Variants in MRTFB observed in about 807,000 individuals in gnomAD.
MRTFB encodes the protein myocardin related transcription factor B, also known as myocardin-related transcription factor B.
MRTFB carries 29 observed loss-of-function variants against 104.2 expected under a neutral mutation model. That is an observed-to-expected ratio of 0.28 (90% CI 0.21 to 0.38). The LOEUF (loss-of-function observed/expected upper bound fraction) is 0.38. MRTFB is among the 10% of genes least tolerant of loss of function. The pLI is 1.00. For missense variants in MRTFB, 1,270 were observed against 1,341.6 expected, an observed-to-expected ratio of 0.95 and a Z score of 0.83; for synonymous variants, 535 against 519.5, an observed-to-expected ratio of 1.03 and a Z score of -0.41.
chr16:14,056,502 T>G, the MRTFB span, among the ~76,000 whole-genome samples: 2 of 152,212 alleles, frequency 1.3e-5, no homozygotes, highest in African/African-American at 4.8e-5. Context: ...CCAATTATTT[T>G]TTGAGCAATT....
intron 2 of MRTFB, among the ~76,000 whole-genome samples, chr16:14,084,064 T>TA (rs2034564214): frequency 6.6e-6 from 1 of 152,236 alleles, no homozygotes; most frequent in Non-Finnish European, 1.5e-5. Context: ...TCTTGGACTT[T>TA]AAATGTGATG....
chr16:14,090,016 G>C (rs558621442), intron 2 of MRTFB, among the ~76,000 whole-genome samples: 5 of 152,018 alleles, frequency 3.3e-5, no homozygotes, highest in African/African-American at 1.2e-4. Context: ...TATATATTTT[G>C]TATACACACA....
the MRTFB span, among the ~76,000 whole-genome samples, chr16:14,000,729 A>C: frequency 1.3e-5 from 2 of 152,164 alleles, no homozygotes; most frequent in Non-Finnish European, 2.9e-5. Flanking sequence ...GTCTCCTGAC[A>C]ACCACACCTC....
the MRTFB span, among the ~76,000 whole-genome samples, chr16:14,034,058 C>T: frequency 6.6e-6 from 1 of 152,138 alleles, no homozygotes; most frequent in East Asian, 1.9e-4. Context: ...TCTCCCAGAG[C>T]TCCTAGGGCT....
At chr16:14,149,332 GA>G (rs2038495819) in intron 3 of MRTFB, 1 of 152,132 alleles carries the variant, frequency 6.6e-6, no homozygotes, top group Admixed American at 6.5e-5. Context: ...GACATAACAA[GA>G]AAAGCAAAAA....
In MRTFB at chr16:14,249,075, C is replaced by G; in HGVS notation, c.2397C>G (p.Val799=). 1 of 1,613,452 alleles carries G rather than the reference C, an allele frequency of 6.2e-7. No homozygotes were observed. Among genetic ancestry groups the G allele is most frequent in the Non-Finnish European group, 8.5e-7 (1 of 1,179,842 alleles). The change falls in exon 13 of 17, where the codon GTC becomes GTG. Residue 799 remains valine, a synonymous_variant. Transcript: ENST00000571589. The part of the protein sequence containing the change: ...PQHVLSQPQQ[V]RKVFTNSASS... ...ATGTGCTCAGTCAGCCTCAACAAGT[C>G]AGAAAGGTTTGTAAATGCCAAGGAG... is the stretch of plus-strand genomic sequence containing the variant.
chr16:14,045,989 T>C, the MRTFB span, among the ~76,000 whole-genome samples: 1 of 152,138 alleles, frequency 6.6e-6, no homozygotes, highest in African/African-American at 2.4e-5. Flanking sequence ...GTAGCAGTAG[T>C]GTTGGTCATG....
the MRTFB span, among the ~76,000 whole-genome samples, chr16:14,031,968 C>T: frequency 2.5e-4 from 38 of 152,262 alleles, no homozygotes; most frequent in African/African-American, 9.1e-4. Context: ...CCACCATGCC[C>T]AGCTAATTTT....
At chr16:14,234,981 T>A (rs554175264) in intron 9 of MRTFB, among the ~76,000 whole-genome samples, 5 of 152,234 alleles carry the variant, frequency 3.3e-5, no homozygotes, top group African/African-American at 1.2e-4. Context: ...TCTCAAACTT[T>A]TAAAACTAAA....
the MRTFB span, among the ~76,000 whole-genome samples, chr16:14,017,590 A>C: frequency 9.1e-6 from 1 of 109,718 alleles, no homozygotes; most frequent in Non-Finnish European, 1.8e-5. Flanking sequence ...CTGACTGACT[A>C]CAGTATATAT....
chr16:14,157,126 A>G (rs1447842862), intron 3 of MRTFB, among the ~76,000 whole-genome samples: 3 of 152,188 alleles, frequency 2.0e-5, no homozygotes, highest in African/African-American at 7.2e-5. Flanking sequence ...ATGAAGGTAG[A>G]AATCTTTTTT....
chr16:14,207,746 G>C (rs2041014578), intron 3 of MRTFB, among the ~76,000 whole-genome samples: 1 of 152,150 alleles, frequency 6.6e-6, no homozygotes, highest in Non-Finnish European at 1.5e-5. Flanking sequence ...CTATCCCTGA[G>C]TTGTATCCTT....
chr16:14,228,504 A>G (rs1444441279), intron 8 of MRTFB, among the ~76,000 whole-genome samples: 1 of 151,868 alleles, frequency 6.6e-6, no homozygotes, highest in African/African-American at 2.4e-5. Context: ...AGAACCCAGG[A>G]GGTGGAGGTT....
chr16:14,246,060 C>G (rs541269958), intron 11 of MRTFB, among the ~76,000 whole-genome samples: 2 of 138,532 alleles, frequency 1.4e-5, no homozygotes, highest in East Asian at 1.9e-4. Context: ...GCTTCAGCCT[C>G]TCTCTTCTTT....
Position 14,261,067 on chromosome 16 carries a change from T to C in MRTFB, c.2923T>C (p.Ser975Pro), listed in dbSNP as rs1329444727. 6 of 1,614,100 alleles carry C rather than the reference T, an allele frequency of 3.7e-6. No individual in the cohort carries two copies. The African/African-American group carries it at 5.3e-5, about 14-fold the overall frequency. ...PVSLEPMGSL[S>P]ASLENQLEAF... Reference sequence around the variant, plus strand: ...ATCTTTAGAACCTATGGGCAGTTTATCTGCCAGCTTAGAGAACCAACTAGA... The same window carrying C: ...ATCTTTAGAACCTATGGGCAGTTTACCTGCCAGCTTAGAGAACCAACTAGA... The change falls in exon 17 of 17, where the codon TCT becomes CCT. Residue 975 changes from serine (S) to proline (P), a missense_variant. Physicochemically the swap from Ser to Pro is moderately conservative, Grantham distance 74. Transcript: ENST00000571589.
At chr16:14,026,199 G>A in the MRTFB span, among the ~76,000 whole-genome samples, 1 of 152,134 alleles carries the variant, frequency 6.6e-6, no homozygotes, top group Non-Finnish European at 1.5e-5. Flanking sequence ...GGAGATTATA[G>A]GTTTACACTG....
chr16:14,215,514 A>G (rs1201653267), intron 6 of MRTFB, among the ~76,000 whole-genome samples: 1 of 152,202 alleles, frequency 6.6e-6, no homozygotes, highest in Non-Finnish European at 1.5e-5. Context: ...TTACTTACTT[A>G]CTTGGGAATA....
the MRTFB span, among the ~76,000 whole-genome samples, chr16:14,007,908 T>G: frequency 2.0e-5 from 3 of 152,226 alleles, no homozygotes; most frequent in East Asian, 5.8e-4. Flanking sequence ...CCTTTGCCTG[T>G]TTTTAATGGG....
upstream of MRTFB, among the ~76,000 whole-genome samples, chr16:14,068,464 G>A (rs999317318): frequency 5.3e-5 from 8 of 152,180 alleles, no homozygotes; most frequent in Non-Finnish European, 1.2e-4. Context: ...TTGAGGTAGG[G>A]AATAGCCTTG....
Sources: allele counts gnomAD v4.1 joint callset (sites outside exome capture counted in the v4.1 genomes callset), GRCh38; gene constraint gnomAD v4.1.1; transcripts MANE v1.5; gene names NCBI Gene and HGNC (gene_info 2026-07-23, HGNC 2026-07-21).